SV2C: variants seen among roughly 807,000 people sequenced by gnomAD.
SV2C encodes the protein synaptic vesicle glycoprotein 2C, also known as solute carrier family 22 member B3.
In SV2C, 49 loss-of-function variants were observed where a neutral mutation model predicts 79.7. That is an observed-to-expected ratio of 0.61 (90% confidence interval 0.49 to 0.78). The LOEUF (loss-of-function observed/expected upper bound fraction) is 0.78. SV2C is among the 30% of genes least tolerant of loss of function. SV2C has a pLI of 0.00. For synonymous variants in SV2C, 334 were observed against 333.2 expected (o/e 1.00, Z -0.03); for missense variants, 833 against 912.9 (o/e 0.91, Z 1.13).
At chr5:76,160,360 G>A (rs1742862896) in intron 2 of SV2C, among the ~76,000 whole-genome samples, 1 of 152,172 alleles carries the variant, frequency 6.6e-6, no homozygotes. Flanking sequence ...TAAAGACTGT[G>A]TGGTACTGGC....
At chr5:76,314,881 G>C (rs1476487350) in intron 12 of SV2C, among the ~76,000 whole-genome samples, 1 of 152,178 alleles carries the variant, frequency 6.6e-6, no homozygotes, top group African/African-American at 2.4e-5. Flanking sequence ...ACTCCAAGGG[G>C]TGCTCAGTCA....
At chr5:76,323,649 A>G (rs1399283911) in intron 12 of SV2C, among the ~76,000 whole-genome samples, 2 of 152,268 alleles carry the variant, frequency 1.3e-5, no homozygotes, top group Non-Finnish European at 2.9e-5. Context: ...ATGCCTATCA[A>G]TGATAGACTG....
chr5:76,281,365 GC>G, intron 4 of SV2C: 2 of 258,304 alleles, frequency 7.7e-6, no homozygotes, highest in South Asian at 8.4e-5. Context: ...TTGTCTATAT[GC>G]CTTTTTTAAA....
At chr5:76,225,770 A>G (rs974389519) in intron 4 of SV2C, among the ~76,000 whole-genome samples, 1 of 152,208 alleles carries the variant, frequency 6.6e-6, no homozygotes, top group African/African-American at 2.4e-5. Flanking sequence ...TGTCTAAAGT[A>G]TCCAACAAAG....
chr5:76,086,348 G>A (rs935482006), intron 1 of SV2C, among the ~76,000 whole-genome samples: 13 of 152,178 alleles, frequency 8.5e-5, no homozygotes, highest in African/African-American at 3.1e-4. Flanking sequence ...ATGACATATT[G>A]TATGAATAAA....
chr5:76,032,263 A>G, the SV2C span, among the ~76,000 whole-genome samples: 1 of 150,568 alleles, frequency 6.6e-6, no homozygotes, highest in Non-Finnish European at 1.5e-5. Context: ...TTTTATTATT[A>G]TTATACTTTA....
the SV2C span, among the ~76,000 whole-genome samples, chr5:75,862,948 G>A: frequency 1.3e-5 from 2 of 152,328 alleles, no homozygotes; most frequent in East Asian, 3.9e-4. Context: ...ACGGAACGGG[G>A]AGCATATCTA....
At chr5:75,996,159 G>T in the SV2C span, among the ~76,000 whole-genome samples, 1 of 152,108 alleles carries the variant, frequency 6.6e-6, no homozygotes, top group Non-Finnish European at 1.5e-5. Context: ...ATTAATTTTT[G>T]TATAAGGTGT....
the SV2C span, among the ~76,000 whole-genome samples, chr5:75,916,866 G>C: frequency 6.6e-6 from 1 of 152,182 alleles, no homozygotes; most frequent in Admixed American, 6.5e-5. Flanking sequence ...CCTTGGGCAG[G>C]ATGAAAATAC....
chr5:75,852,838 A>AG, the SV2C span, among the ~76,000 whole-genome samples: 8,573 of 140,884 alleles, frequency 0.061, 330 homozygotes, highest in Admixed American at 0.084. Flanking sequence ...AAAAAAAAAA[A>AG]AAAAAGAAAA....
At chr5:75,847,495 G>A in the SV2C span, among the ~76,000 whole-genome samples, 1 of 152,200 alleles carries the variant, frequency 6.6e-6, no homozygotes, top group African/African-American at 2.4e-5. Context: ...CAGGGGGAAA[G>A]GGTTAAAAGG....
chr5:75,921,575 G>C, the SV2C span: 2 of 947,906 alleles, frequency 2.1e-6, no homozygotes, highest in Non-Finnish European at 1.7e-6. Flanking sequence ...ATTGCGGCCC[G>C]TGAAGTTCCT....
At chr5:75,974,435 G>C in the SV2C span, among the ~76,000 whole-genome samples, 1 of 152,036 alleles carries the variant, frequency 6.6e-6, no homozygotes, top group African/African-American at 2.4e-5. Flanking sequence ...TCCCTTCAAA[G>C]ATATATCCTT....
chr5:75,938,716 G>A, the SV2C span, among the ~76,000 whole-genome samples: 5 of 152,072 alleles, frequency 3.3e-5, no homozygotes, highest in African/African-American at 9.7e-5. Flanking sequence ...CTGGTAACAC[G>A]TATATTTTTA....
At chr5:75,849,276 T>C in the SV2C span, among the ~76,000 whole-genome samples, 45 of 152,142 alleles carry the variant, frequency 3.0e-4, no homozygotes, top group African/African-American at 8.7e-4. Flanking sequence ...GTGGAGTGAA[T>C]GGAAGAGCAG....
At chr5:76,009,749 C>T in the SV2C span, among the ~76,000 whole-genome samples, 85,332 of 151,682 alleles carry the variant, frequency 0.56, 24,340 homozygotes, top group Middle Eastern at 0.66. Context: ...CACGGGGGAC[C>T]CCTAGAGCTC....
Position 76,229,712 on chromosome 5 carries a change from G to A in SV2C, c.913+19825G>A, listed in dbSNP as rs554705897. 2.6e-4 allele frequency among the ~76,000 whole-genome samples: 40 copies of A among 152,358 alleles called. No homozygotes were observed. The South Asian group carries it at 8.3e-3, about 32-fold the overall frequency. On this transcript the variant is annotated intron_variant, in intron 4 of 12. Transcript: ENST00000502798. ...GGACAATGCCCTTATCCCCTGGGGGGCTTGCATAACAAGGGCGAAAGCCCT... is the reference window on the plus strand; with the variant it reads ...GGACAATGCCCTTATCCCCTGGGGGACTTGCATAACAAGGGCGAAAGCCCT...
the SV2C span, among the ~76,000 whole-genome samples, chr5:75,848,974 G>A: frequency 7.9e-5 from 12 of 152,252 alleles, no homozygotes; most frequent in African/African-American, 2.9e-4. Flanking sequence ...TAAATATTCG[G>A]CACGTAGTGC....
At chr5:75,990,814 G>T in the SV2C span, among the ~76,000 whole-genome samples, 1 of 151,894 alleles carries the variant, frequency 6.6e-6, no homozygotes, top group Non-Finnish European at 1.5e-5. Context: ...TAAAAAAAAA[G>T]TGAAGGGTAT....
Sources: gnomAD v4.1 joint callset for allele counts (sites outside exome capture counted in the v4.1 genomes callset) on GRCh38, gnomAD v4.1.1 for gene constraint, MANE v1.5 for transcripts, NCBI Gene and HGNC (gene_info 2026-07-23, HGNC 2026-07-21) for gene names.